Variants in PRKRA observed in about 807,000 individuals in gnomAD.
PRKRA encodes protein activator of interferon induced protein kinase EIF2AK2, also known as interferon-inducible double-stranded RNA-dependent protein kinase activator A.
Under a neutral mutation model 32.4 loss-of-function variants are expected in PRKRA, and 22 were observed. The observed-to-expected ratio is 0.68, with a 90% CI of 0.49 to 0.97. The LOEUF (loss-of-function observed/expected upper bound fraction) is 0.97. Among genes scored for constraint, PRKRA ranks in the 50% least tolerant of loss-of-function variants. The pLI is 0.00. For missense variants in PRKRA, 319 were observed against 375.6 expected, an observed-to-expected ratio of 0.85 and a Z score of 1.25; for synonymous variants, 139 against 129.8, an observed-to-expected ratio of 1.07 and a Z score of -0.48.
Position 178,450,717 on chromosome 2 carries a change from T to G in PRKRA, c.65+249A>C, listed in dbSNP as rs184658426. 0.031 allele frequency: 42,203 copies of G among 1,377,914 alleles called. 768 individuals are homozygous for G. Among genetic ancestry groups the G allele is most frequent in the Non-Finnish European group, 0.036 (38,048 of 1,070,980 alleles). The allele number at this position is 1,377,914 out of a possible 1,614,324, so 85.4% of individuals were successfully genotyped here. A position where few individuals can be genotyped will look rare whatever the true frequency, so the allele number is the denominator to read the frequency against. On this transcript the variant is annotated intron_variant, in intron 1 of 7. Coordinates refer to ENST00000325748, the MANE Select transcript of PRKRA (RefSeq NM_003690.5). The stretch of plus-strand genomic sequence containing the variant: ...TCTCAGGGAAAACCTGACGATCCCT[T>G]CCCGGGCGCGCCGACCGAGCGTCAC...
rs1696892606 is a variant in PRKRA at position 178,436,306 on chromosome 2, C to T, written c.623G>A (p.Gly208Glu). Residue 208 changes from glycine to glutamate, a missense_variant, in exon 7 of 8, where the codon GGA (glycine) becomes GAA (glutamate). By Grantham distance (98) the Gly-to-Glu change is moderately conservative. Coordinates refer to ENST00000325748, the MANE Select transcript of PRKRA (RefSeq NM_003690.5). Reference protein sequence around the residue: ...ENHISLTNVVGHSLGCTWHSL... With the variant: ...ENHISLTNVVEHSLGCTWHSL... ...ATGCCAAGTACATCCTAAAGAATGT[C>T]CTACTACATTTGTCTGAAAAACAGA... 1 of 1,613,776 alleles carries T rather than the reference C, an allele frequency of 6.2e-7. No individual in the cohort carries two copies. Among genetic ancestry groups the T allele is most frequent in the Non-Finnish European group, 8.5e-7 (1 of 1,179,860 alleles).
chr2:178,442,580 G>A (rs1356141618), intron 5 of PRKRA, among the ~76,000 whole-genome samples: 2 of 152,160 alleles, frequency 1.3e-5, no homozygotes, highest in Non-Finnish European at 1.5e-5. Flanking sequence ...CATCAAGGAC[G>A]GAAGCTGAGG....
At chr2:178,434,559 C>T (rs535341490) in intron 7 of PRKRA, among the ~76,000 whole-genome samples, 2 of 152,130 alleles carry the variant, frequency 1.3e-5, no homozygotes, top group South Asian at 2.1e-4. Flanking sequence ...GACTGGACTA[C>T]AGGCATGTGC....
At chr2:178,450,626 A>T (rs1432039503) in intron 1 of PRKRA, 1 of 1,454,340 alleles carries the variant, frequency 6.9e-7, no homozygotes, top group Admixed American at 2.7e-5. Context: ...AGGTCTTTAG[A>T]GAGAGCACTT....
chr2:178,449,216 C>CTGAT (rs3073412), intron 2 of PRKRA, among the ~76,000 whole-genome samples: 54,311 of 151,722 alleles, frequency 0.36, 10,980 homozygotes, highest in East Asian at 0.64. Context: ...TGAATTCTTC[C>CTGAT]TATCTAGAAA....
chr2:178,433,802 C>T (rs1199434625), intron 7 of PRKRA: 5 of 151,974 alleles, frequency 3.3e-5, no homozygotes, highest in African/African-American at 1.2e-4. Context: ...TGTATATCTC[C>T]TTTGGAGAAT....
At chr2:178,446,081 C>T (rs1241734537) in intron 3 of PRKRA, among the ~76,000 whole-genome samples, 1 of 151,854 alleles carries the variant, frequency 6.6e-6, no homozygotes, top group African/African-American at 2.4e-5. Flanking sequence ...GGGGCACAAT[C>T]TTAGCTTACT....
rs753131558 is a variant in PRKRA, at chr2:178,450,231, T to C, written c.235+11A>G. 93 of 1,614,128 alleles carry C rather than the reference T, an allele frequency of 5.8e-5. No homozygotes were observed. The highest frequency in any genetic ancestry group is 7.4e-5 in the Non-Finnish European group (87 of 1,180,042). On this transcript the variant is annotated intron_variant, in intron 2 of 7. Coordinates refer to ENST00000325748, the MANE Select transcript of PRKRA (RefSeq NM_003690.5). Reference sequence around the variant, plus strand: ...CCCACTCGGTCATCCAGGTTAACTGTGTATACAGACCTGTGCAGGTTATGT... The same window carrying C: ...CCCACTCGGTCATCCAGGTTAACTGCGTATACAGACCTGTGCAGGTTATGT...
At chr2:178,443,781 CAT>C (rs1184472287) in intron 4 of PRKRA, 2 of 210,072 alleles carry the variant, frequency 9.5e-6, no homozygotes, top group East Asian at 1.2e-4. Flanking sequence ...GCCAAGAACA[CAT>C]GAGGAGTAGG....
Position 178,451,168 on chromosome 2 carries a change from A to T in PRKRA, c.-138T>A, listed in dbSNP as rs1235970978. ...CCCCGCCTCCTGCTTGCGTTGCTCC[A>T]GCGAGGGGGCAGGCAGGGTGGGGGC... On this transcript the variant is annotated 5_prime_UTR_variant, in exon 1 of 8. Coordinates refer to ENST00000325748, the MANE Select transcript of PRKRA (RefSeq NM_003690.5). 4 of 990,478 alleles carry T rather than the reference A, an allele frequency of 4.0e-6. No homozygotes were observed. The Admixed American group carries it at 1.0e-4, about 26-fold the overall frequency. 61.4% of individuals were successfully genotyped at this position (990,478 alleles called of 1,614,324 possible). A position where few individuals can be genotyped will look rare whatever the true frequency, so the allele number is the denominator to read the frequency against.
At chr2:178,437,692 G>A (rs1696954703) in intron 6 of PRKRA, among the ~76,000 whole-genome samples, 2 of 152,096 alleles carry the variant, frequency 1.3e-5, no homozygotes, top group South Asian at 4.1e-4. Flanking sequence ...CTTGGAGGGG[G>A]CTTGTTTTCT....
chr2:178,450,602 A>T, intron 1 of PRKRA, 191 bp from the exon 2 acceptor site: 3 of 1,476,438 alleles, frequency 2.0e-6, no homozygotes, highest in Non-Finnish European at 2.7e-6. Flanking sequence ...CCGCAGGAGC[A>T]GGCGGGGTGA....
intron 2 of PRKRA, among the ~76,000 whole-genome samples, chr2:178,448,149 G>C (rs1236531913): frequency 1.3e-5 from 2 of 152,346 alleles, no homozygotes; most frequent in East Asian, 3.9e-4. Context: ...ATGGAATAAG[G>C]TGACAGCTTG....
chr2:178,434,421 T>C (rs1696803880), intron 7 of PRKRA, among the ~76,000 whole-genome samples: 1 of 151,290 alleles, frequency 6.6e-6, no homozygotes, highest in Admixed American at 6.6e-5. Context: ...TCCAGCCTCT[T>C]TTCTTTTTTT....
In PRKRA at chr2:178,450,236, A is replaced by T. The variant is rs1462658873; in HGVS notation, c.235+6T>A. 84 of 781,462 alleles carry T rather than the reference A, an allele frequency of 1.1e-4. No homozygotes were observed. Among genetic ancestry groups the T allele is most frequent in the East Asian group, 3.2e-4 (6 of 18,570 alleles). 48.4% of individuals were successfully genotyped at this position (781,462 alleles called of 1,614,324 possible). A position where few individuals can be genotyped will look rare whatever the true frequency, so the allele number is the denominator to read the frequency against. ...TCGGTCATCCAGGTTAACTGTGTAT[A>T]CAGACCTGTGCAGGTTATGTCACCA... is the stretch of plus-strand genomic sequence containing the variant. On this transcript the variant is annotated splice_donor_region_variant and intron_variant, in intron 2 of 7. Coordinates refer to ENST00000325748, the MANE Select transcript of PRKRA (RefSeq NM_003690.5).
Position 178,431,871 on chromosome 2 carries a change from CTCT to C in PRKRA, c.*223_*225del. 1 of 592,584 alleles carries C rather than the reference CTCT, an allele frequency of 1.7e-6. No individual in the cohort carries two copies. Among genetic ancestry groups the C allele is most frequent in the East Asian group, 3.0e-5 (1 of 33,656 alleles). The allele number at this position is 592,584 out of a possible 1,614,324, so 36.7% of individuals were successfully genotyped here. ...CACTGTAAAATGGGTGCTACACTCT[CTCT>C]TGTGGTACAAAGTTTATAAATACAG... On this transcript the variant is annotated 3_prime_UTR_variant, in exon 8 of 8. Coordinates refer to ENST00000325748, the MANE Select transcript of PRKRA (RefSeq NM_003690.5).
At chr2:178,443,181 T>C (rs1052763431) in intron 5 of PRKRA, 86 bp downstream of exon 5, 309 of 752,556 alleles carry the variant, frequency 4.1e-4, no homozygotes, top group Non-Finnish European at 6.1e-4. Flanking sequence ...TGCATAGAAA[T>C]ATTTGAAAAC....
At chr2:178,436,744 C>T (rs2154124788) in intron 6 of PRKRA, among the ~76,000 whole-genome samples, 1 of 151,328 alleles carries the variant, frequency 6.6e-6, no homozygotes, top group East Asian at 1.9e-4. Context: ...ATCACTATAA[C>T]TGACAGCTAT....
At position 178,441,674 on chromosome 2, in the gene PRKRA, C is replaced by T. The variant is rs1468432994; in HGVS notation, c.545G>A (p.Arg182Lys). The change falls in exon 6 of 8, where the codon AGG (arginine) becomes AAG (lysine). Residue 182 changes from arginine to lysine, a missense_variant. Physicochemically the swap from Arg to Lys is conservative, Grantham distance 26. Coordinates refer to ENST00000325748, the MANE Select transcript of PRKRA (RefSeq NM_003690.5). ...GGCAAGAAATTTCTCAGCAGCATTC[C>T]TTTTGGCTTGCTTTTTTGATGCCCC... The part of the protein sequence containing the change: ...GKGASKKQAK[R>K]NAAEKFLAKF... 6.2e-7 allele frequency: 1 copy of T among 1,612,628 alleles called. No homozygotes were observed. The highest frequency in any genetic ancestry group is 8.5e-7 in the Non-Finnish European group (1 of 1,178,700).
Sources: allele counts gnomAD v4.1 joint callset (sites outside exome capture counted in the v4.1 genomes callset), GRCh38; gene constraint gnomAD v4.1.1; transcripts MANE v1.5; gene names NCBI Gene and HGNC (gene_info 2026-07-23, HGNC 2026-07-21).